TANC2: variants seen among roughly 807,000 people sequenced by gnomAD.
The protein encoded by TANC2 is tetratricopeptide repeat, ankyrin repeat and coiled-coil containing 2, also known as protein TANC2.
A neutral mutation model predicts 210.5 loss-of-function variants in TANC2; 26 were observed. That is an observed-to-expected ratio of 0.12 (90% CI 0.09 to 0.17). The LOEUF is 0.17. Ranked by LOEUF, TANC2 falls within the 10% of genes least tolerant of loss-of-function variation. TANC2 has a pLI of 1.00. For synonymous variants in TANC2, 931 were observed against 967.1 expected (o/e 0.96, Z 0.69); for missense variants, 2,129 against 2,608.9 (o/e 0.82, Z 4.01).
intron 6 of TANC2, among the ~76,000 whole-genome samples, chr17:63,194,358 G>A (rs912299161): frequency 2.6e-5 from 4 of 152,114 alleles, no homozygotes; most frequent in African/African-American, 7.2e-5. Context: ...ATGAATGAAC[G>A]AGCAAGCCAA....
intron 14 of TANC2, among the ~76,000 whole-genome samples, chr17:63,370,313 A>G (rs1376562306): frequency 6.6e-6 from 1 of 151,358 alleles, no homozygotes; most frequent in Non-Finnish European, 1.5e-5. Flanking sequence ...CGAGTAGCTG[A>G]GACTACAGGC....
intron 8 of TANC2, among the ~76,000 whole-genome samples, chr17:63,248,593 T>A (rs994916623): frequency 6.6e-6 from 1 of 152,176 alleles, no homozygotes; most frequent in African/African-American, 2.4e-5. Context: ...ATGATACAGA[T>A]TTCTCCCCAA....
intron 2 of TANC2, among the ~76,000 whole-genome samples, chr17:63,014,982 G>T (rs1353104767): frequency 6.6e-6 from 1 of 151,996 alleles, no homozygotes; most frequent in African/African-American, 2.4e-5. Flanking sequence ...TATATTAAGA[G>T]AAAATGTATT....
At position 63,200,940 on chromosome 17, in the gene TANC2, G is replaced by A. The variant is rs747858720; in HGVS notation, c.752G>A (p.Arg251Lys). Reference sequence around the variant, plus strand: ...AGTCCAACCTCTACCCTTGAAAGCAGAGATAGTGGCATCATTGGTGAGTTG... The same window carrying A: ...AGTCCAACCTCTACCCTTGAAAGCAAAGATAGTGGCATCATTGGTGAGTTG... The change falls in exon 7 of 28, where the codon AGA becomes AAA. Residue 251 changes from arginine (R) to lysine (K), a missense_variant. Arg to Lys is a conservative substitution (Grantham distance 26, BLOSUM62 2). Coordinates refer to ENST00000689528, the Ensembl canonical transcript of TANC2. The A allele has an allele frequency of 4.4e-6, 7 of 1,607,068 alleles. No homozygotes were observed. The highest frequency in any genetic ancestry group is 5.1e-6 in the Non-Finnish European group (6 of 1,177,850).
At chr17:62,977,782 T>C (rs182256446) in intron 1 of TANC2, among the ~76,000 whole-genome samples, 21 of 152,264 alleles carry the variant, frequency 1.4e-4, no homozygotes, top group African/African-American at 4.6e-4. Flanking sequence ...TATTTTCCTC[T>C]CCCCTCGGGT....
intron 7 of TANC2, among the ~76,000 whole-genome samples, chr17:63,204,844 A>G (rs1048016143): frequency 2.6e-5 from 4 of 152,096 alleles, no homozygotes; most frequent in Non-Finnish European, 4.4e-5. Context: ...CAGCACTTTG[A>G]GAAGCCAAGG....
chr17:63,196,089 T>C (rs1219821972), intron 6 of TANC2, among the ~76,000 whole-genome samples: 1 of 152,200 alleles, frequency 6.6e-6, no homozygotes, highest in Non-Finnish European at 1.5e-5. Context: ...CCCATCCATA[T>C]ACCCCTATGC....
intron 1 of TANC2, among the ~76,000 whole-genome samples, chr17:62,982,250 A>G (rs1200571420): frequency 6.6e-6 from 1 of 152,200 alleles, no homozygotes; most frequent in African/African-American, 2.4e-5. Flanking sequence ...CTCACCATGA[A>G]TAACAAAGAC....
chr17:63,308,344 G>T (rs184052399), intron 9 of TANC2, among the ~76,000 whole-genome samples: 1 of 152,024 alleles, frequency 6.6e-6, no homozygotes, highest in African/African-American at 2.4e-5. Context: ...TGTTTCATTG[G>T]TGTCTCCCTT....
chr17:63,032,831 A>G (rs1192950508), intron 2 of TANC2, among the ~76,000 whole-genome samples: 1 of 152,130 alleles, frequency 6.6e-6, no homozygotes, highest in Non-Finnish European at 1.5e-5. Flanking sequence ...ACTAGGAGTT[A>G]GTTAGACCCC....
rs138511186 is a variant in TANC2, at chr17:63,064,514, T to A, written c.68-9429T>A. 1.8e-3 allele frequency among the ~76,000 whole-genome samples: 272 copies of A among 152,292 alleles called. 1 individual carries two copies. Among genetic ancestry groups the A allele is most frequent in the African/African-American group, 6.3e-3 (262 of 41,562 alleles). Reference sequence around the variant, plus strand: ...TTATACAGTCATTTCACTAGGAGACTCTCAGAATTACTTTTAAAGTATCTC... The same window carrying A: ...TTATACAGTCATTTCACTAGGAGACACTCAGAATTACTTTTAAAGTATCTC... On this transcript the variant is annotated intron_variant, in intron 2 of 27. Transcript: ENST00000689528.
intron 6 of TANC2, among the ~76,000 whole-genome samples, chr17:63,199,675 A>C (rs937515312): frequency 1.3e-5 from 2 of 152,162 alleles, no homozygotes; most frequent in African/African-American, 4.8e-5. Context: ...ACTTTTATTC[A>C]CTATTGTAGT....
intron 1 of TANC2, among the ~76,000 whole-genome samples, chr17:62,975,556 T>A (rs1226681241): frequency 5.9e-5 from 8 of 135,606 alleles, no homozygotes; most frequent in East Asian, 2.1e-4. Context: ...TTTTTTTTAA[T>A]TTTTTTTTTT....
intron 9 of TANC2, among the ~76,000 whole-genome samples, chr17:63,304,907 A>G (rs1567898195): frequency 6.6e-6 from 1 of 152,166 alleles, no homozygotes; most frequent in Non-Finnish European, 1.5e-5. Flanking sequence ...ACCTCTTGGG[A>G]CTAAGCCATC....
intron 2 of TANC2, among the ~76,000 whole-genome samples, chr17:63,036,700 A>G (rs984644576): frequency 6.6e-6 from 1 of 152,174 alleles, no homozygotes; most frequent in Non-Finnish European, 1.5e-5. Context: ...CTGGGATAGA[A>G]CATTTTTTCC....
At chr17:63,053,556 TTG>T (rs1331758406) in intron 2 of TANC2, among the ~76,000 whole-genome samples, 2 of 152,226 alleles carry the variant, frequency 1.3e-5, no homozygotes, top group Non-Finnish European at 2.9e-5. Flanking sequence ...TTCTCTCTTT[TTG>T]TGTCTCATTC....
exon 12 of TANC2, chr17:63,340,292 C>T: frequency 1.2e-6 from 2 of 1,613,904 alleles, no homozygotes; most frequent in Non-Finnish European, 1.7e-6. Flanking sequence ...TGGCCTCCTT[C>T]CGGAGGGGAG....
At chr17:63,064,984 C>T (rs1031071831) in intron 2 of TANC2, among the ~76,000 whole-genome samples, 1 of 152,004 alleles carries the variant, frequency 6.6e-6, no homozygotes, top group Admixed American at 6.6e-5. Flanking sequence ...ATTTCCGGCA[C>T]CCATTTCTCC....
intron 7 of TANC2, among the ~76,000 whole-genome samples, chr17:63,215,594 A>G (rs1244909990): frequency 6.6e-6 from 1 of 152,160 alleles, no homozygotes; most frequent in Non-Finnish European, 1.5e-5. Context: ...TGAAACCTCC[A>G]TTTTAAAAAC....
Sources: allele counts gnomAD v4.1 joint callset (sites outside exome capture counted in the v4.1 genomes callset), GRCh38; gene constraint gnomAD v4.1.1; transcripts MANE v1.5; gene names NCBI Gene and HGNC (gene_info 2026-07-23, HGNC 2026-07-21).